ATRNL1: variants seen among roughly 807,000 people sequenced by gnomAD.
The protein encoded by ATRNL1 is attractin-like protein 1.
A neutral mutation model predicts 182.7 loss-of-function variants in ATRNL1; 95 were observed. The observed-to-expected ratio is 0.52, with a 90% CI of 0.44 to 0.62. The LOEUF is 0.62. ATRNL1 is among the 20% of genes least tolerant of loss of function. ATRNL1 has a pLI of 0.00. For synonymous variants in ATRNL1, 576 were observed against 568.3 expected (o/e 1.01, Z -0.19); for missense variants, 1,471 against 1,679.5 (o/e 0.88, Z 2.17).
intron 22 of ATRNL1, among the ~76,000 whole-genome samples, chr10:115,462,589 C>A (rs759292239): frequency 2.0e-5 from 3 of 151,920 alleles, no homozygotes; most frequent in African/African-American, 4.8e-5. Context: ...TCCAGCCTGG[C>A]GACAGAGTGA....
chr10:115,424,146 A>G (rs1845773054), intron 20 of ATRNL1, among the ~76,000 whole-genome samples: 1 of 152,174 alleles, frequency 6.6e-6, no homozygotes, highest in African/African-American at 2.4e-5. Flanking sequence ...TCAAAAGAAG[A>G]CATACGAATG....
rs143597543 is a variant in ATRNL1 at position 115,701,999 on chromosome 10, G to T, written c.3796-25249G>T. Among the ~76,000 whole-genome samples, 742 of 151,240 alleles carry T rather than the reference G, an allele frequency of 4.9e-3. 2 individuals are homozygous for T. Among genetic ancestry groups the T allele is most frequent in the African/African-American group, 0.012 (504 of 41,424 alleles). On this transcript the variant is annotated intron_variant, in intron 26 of 28. Transcript: ENST00000355044. ...ACCTGGAAAAGACACAACAAAAAAA[G>T]AAAGTTATGCAAAATTCCTCAACAA...
At chr10:115,924,833 T>C (rs953184961) in intron 28 of ATRNL1, among the ~76,000 whole-genome samples, 2 of 152,354 alleles carry the variant, frequency 1.3e-5, no homozygotes, top group Middle Eastern at 3.4e-3. Context: ...TAAATTACTT[T>C]GGGCAGTATG....
At chr10:115,898,433 G>A (rs1205493903) in intron 28 of ATRNL1, among the ~76,000 whole-genome samples, 4 of 152,150 alleles carry the variant, frequency 2.6e-5, no homozygotes, top group African/African-American at 7.2e-5. Flanking sequence ...CTGCCCCCAC[G>A]TGGGCTGTCC....
chr10:115,870,919 A>G (rs1266846185), intron 28 of ATRNL1, among the ~76,000 whole-genome samples: 1 of 152,186 alleles, frequency 6.6e-6, no homozygotes, highest in Non-Finnish European at 1.5e-5. Context: ...AATTTCTAGG[A>G]ACAATATCAG....
rs34694693 is a variant in ATRNL1 at position 115,675,166 on chromosome 10, G to A, written c.3796-52082G>A. The stretch of plus-strand genomic sequence containing the variant: ...GGAGGCCTAGGTGGGAGGATTGCTT[G>A]AAGCCAGGAATTGGAGACAGCCTGG... On this transcript the variant is annotated intron_variant, in intron 26 of 28. Transcript: ENST00000355044. Among the ~76,000 whole-genome samples the A allele has an allele frequency of 4.4e-3, 665 of 152,206 alleles. 3 individuals carry two copies. The highest frequency in any genetic ancestry group is 6.5e-3 in the Non-Finnish European group (441 of 67,986).
chr10:115,441,279 T>TCGGAGAA (rs1554965662), intron 21 of ATRNL1, among the ~76,000 whole-genome samples: 3 of 151,790 alleles, frequency 2.0e-5, no homozygotes, highest in African/African-American at 7.2e-5. Flanking sequence ...CCCTTATACT[T>TCGGAGAA]CTCCAACTAT....
At chr10:115,709,216 A>T (rs977665498) in intron 26 of ATRNL1, among the ~76,000 whole-genome samples, 102 of 151,970 alleles carry the variant, frequency 6.7e-4, no homozygotes, top group African/African-American at 2.3e-3. Context: ...TGGCCTTAGA[A>T]TTGTCAGTGA....
intron 27 of ATRNL1, among the ~76,000 whole-genome samples, chr10:115,830,224 G>A (rs553617076): frequency 6.6e-6 from 1 of 152,192 alleles, no homozygotes; most frequent in East Asian, 1.9e-4. Context: ...AATTCATCTG[G>A]CTAAATAACC....
chr10:115,381,432 A>ATTTTTTTTTTCTTTTTTTTTTTTTT (rs1857993568), intron 19 of ATRNL1, among the ~76,000 whole-genome samples: 1 of 68,550 alleles, frequency 1.5e-5, no homozygotes, highest in Non-Finnish European at 3.0e-5. Flanking sequence ...ATACCTGGCA[A>ATTTTTTTTTTCTTTTTTTTTTTTTT]TTTTTTTTTT....
At chr10:115,201,882 C>T (rs1554892492) in intron 8 of ATRNL1, among the ~76,000 whole-genome samples, 1 of 152,108 alleles carries the variant, frequency 6.6e-6, no homozygotes, top group Non-Finnish European at 1.5e-5. Context: ...ATTCTTCCAT[C>T]TGTTTGTATC....
chr10:115,653,170 G>T (rs1351662074), intron 26 of ATRNL1, among the ~76,000 whole-genome samples: 1 of 152,086 alleles, frequency 6.6e-6, no homozygotes, highest in Non-Finnish European at 1.5e-5. Context: ...TTATTTTTAA[G>T]CTCTGATGTG....
At chr10:115,477,941 A>G (rs1848605382) in intron 24 of ATRNL1, among the ~76,000 whole-genome samples, 1 of 151,704 alleles carries the variant, frequency 6.6e-6, no homozygotes, top group African/African-American at 2.4e-5. Flanking sequence ...TCTTGCTTCC[A>G]GGTTACAATT....
At chr10:115,269,468 G>A (rs1420728873) in intron 13 of ATRNL1, among the ~76,000 whole-genome samples, 1 of 152,034 alleles carries the variant, frequency 6.6e-6, no homozygotes, top group Non-Finnish European at 1.5e-5. Flanking sequence ...CTGAGTAGCT[G>A]GGATTATAGG....
chr10:115,612,185 G>A (rs1164017031), intron 26 of ATRNL1, among the ~76,000 whole-genome samples: 1 of 152,002 alleles, frequency 6.6e-6, no homozygotes, highest in African/African-American at 2.4e-5. Flanking sequence ...CTGAGAGGCG[G>A]AGGTTGCAGT....
intron 27 of ATRNL1, among the ~76,000 whole-genome samples, chr10:115,746,420 CATT>C (rs1458748861): frequency 6.6e-6 from 1 of 151,986 alleles, no homozygotes; most frequent in African/African-American, 2.4e-5. Context: ...ATAGGAAAAT[CATT>C]ATACCTGAAT....
At chr10:115,596,397 C>T (rs1022979734) in intron 26 of ATRNL1, among the ~76,000 whole-genome samples, 2 of 152,188 alleles carry the variant, frequency 1.3e-5, no homozygotes, top group Non-Finnish European at 2.9e-5. Flanking sequence ...TGAGCCACCA[C>T]GCCCGGCCCG....
chr10:115,179,242 A>T (rs1847653470), intron 8 of ATRNL1, among the ~76,000 whole-genome samples: 2 of 151,920 alleles, frequency 1.3e-5, no homozygotes, highest in African/African-American at 4.8e-5. Flanking sequence ...ATTTTTTTCC[A>T]TCCTGTTTCC....
chr10:115,899,675 A>C (rs533569599), intron 28 of ATRNL1, among the ~76,000 whole-genome samples: 1 of 152,154 alleles, frequency 6.6e-6, no homozygotes, highest in African/African-American at 2.4e-5. Context: ...ATGTATTTTT[A>C]AAAAAGCCTG....
Sources: allele counts gnomAD v4.1 joint callset (sites outside exome capture counted in the v4.1 genomes callset), GRCh38; gene constraint gnomAD v4.1.1; transcripts MANE v1.5; gene names NCBI Gene and HGNC (gene_info 2026-07-23, HGNC 2026-07-21).